The following WHRN variants were observed in gnomAD, a reference collection of about 807,000 sequenced individuals.
WHRN encodes the protein CASK-interacting protein CIP98.
WHRN carries 41 observed loss-of-function variants against 68.3 expected under a neutral mutation model. That is an observed-to-expected ratio of 0.60 (90% confidence interval 0.47 to 0.78). The LOEUF is 0.78. WHRN is among the 30% of genes least tolerant of loss of function. The pLI is 0.00. For missense variants in WHRN, 1,243 were observed against 1,244.7 expected (o/e 1.00, Z 0.02); for synonymous variants, 560 against 561.3 (o/e 1.00, Z 0.03).
At chr9:114,484,064 A>G (rs923628431) in intron 1 of WHRN, among the ~76,000 whole-genome samples, 2 of 152,174 alleles carry the variant, frequency 1.3e-5, no homozygotes, top group African/African-American at 2.4e-5. Flanking sequence ...CCAGATCCAG[A>G]GCCTGGGGGC....
intron 7 of WHRN, among the ~76,000 whole-genome samples, chr9:114,421,811 C>T (rs1048858193): frequency 2.6e-5 from 4 of 152,192 alleles, no homozygotes; most frequent in Non-Finnish European, 4.4e-5. Context: ...ATCTGCTTGT[C>T]CCAGAACATG....
intron 11 of WHRN, 79 bp downstream of exon 11, chr9:114,403,138 G>C: frequency 6.2e-7 from 1 of 1,602,220 alleles, no homozygotes; most frequent in South Asian, 1.1e-5. Context: ...ACCCATGGGA[G>C]TCGCAAAACC....
At chr9:114,438,647 T>A (rs377665006) in intron 3 of WHRN, among the ~76,000 whole-genome samples, 3 of 151,914 alleles carry the variant, frequency 2.0e-5, no homozygotes, top group East Asian at 3.9e-4. Flanking sequence ...AGAGATGGGG[T>A]TTCACCTGTT....
At chr9:114,477,071 G>A (rs1299472122) in intron 2 of WHRN, among the ~76,000 whole-genome samples, 4 of 152,106 alleles carry the variant, frequency 2.6e-5, no homozygotes, top group Non-Finnish European at 5.9e-5. Context: ...CCCAGCCCTG[G>A]CAACCTTGAC....
At position 114,466,330 on chromosome 9, in the gene WHRN, G is replaced by A. The variant is rs140268888; in HGVS notation, c.900C>T (p.Tyr300=). ...CGCCAGTGATGTAAATGCCAAGGCC[G>A]TACTCAGCTCCCCCACGGATCGTGA... The part of the protein sequence containing the change: ...LGLTIRGGAE[Y]GLGIYITGVD... Residue 300 remains tyrosine (Y), a synonymous_variant, in exon 3 of 12, where the codon TAC becomes TAT. Transcript: ENST00000362057. 2.1e-5 allele frequency: 34 copies of A among 1,613,982 alleles called. No individual in the cohort carries two copies. The African/African-American group carries it at 3.5e-4, about 16-fold the overall frequency.
chr9:114,436,444 TG>T (rs1468210290), intron 3 of WHRN, among the ~76,000 whole-genome samples: 2 of 151,984 alleles, frequency 1.3e-5, no homozygotes. Context: ...TAGGGGAAAA[TG>T]TGTTGGGGAC....
At chr9:114,435,236 A>G (rs1837752167) in intron 3 of WHRN, among the ~76,000 whole-genome samples, 1 of 152,244 alleles carries the variant, frequency 6.6e-6, no homozygotes, top group Non-Finnish European at 1.5e-5. Flanking sequence ...TGAATGGCAC[A>G]TGGGAAACAC....
intron 3 of WHRN, among the ~76,000 whole-genome samples, chr9:114,447,155 G>A (rs999336092): frequency 2.6e-5 from 4 of 152,136 alleles, no homozygotes; most frequent in Admixed American, 6.5e-5. Flanking sequence ...GCAAGAACCT[G>A]CTAACCAAGA....
At chr9:114,496,509 A>G (rs1271108100) in intron 1 of WHRN, among the ~76,000 whole-genome samples, 2 of 152,180 alleles carry the variant, frequency 1.3e-5, no homozygotes, top group Admixed American at 6.5e-5. Flanking sequence ...TTTTCTTCCA[A>G]TGCCACCTAA....
chr9:114,481,821 G>A (rs905499964), intron 1 of WHRN, among the ~76,000 whole-genome samples: 4 of 152,354 alleles, frequency 2.6e-5, no homozygotes, highest in South Asian at 2.1e-4. Context: ...GAGAAACAAG[G>A]AGGCATCACC....
chr9:114,424,204 G>C (rs190183238), intron 6 of WHRN, 130 bp downstream of exon 6: 79 of 1,105,840 alleles, frequency 7.1e-5, no homozygotes, highest in Non-Finnish European at 1.1e-4. Context: ...GGCTGCCTCA[G>C]TCCCAGGTCT....
At chr9:114,441,655 C>T (rs562922853) in intron 3 of WHRN, among the ~76,000 whole-genome samples, 2 of 152,276 alleles carry the variant, frequency 1.3e-5, no homozygotes, top group East Asian at 1.9e-4. Flanking sequence ...ATCTGGGACA[C>T]TCTGAGTATC....
chr9:114,403,527 C>T (rs1354272191), intron 10 of WHRN, among the ~76,000 whole-genome samples, 188 bp from the exon 11 acceptor site: 1 of 152,226 alleles, frequency 6.6e-6, no homozygotes, highest in Non-Finnish European at 1.5e-5. Context: ...TCACCAAAAT[C>T]CCCGAGGCTC....
At position 114,426,512 on chromosome 9, in the gene WHRN, G is replaced by A. The variant is rs1564140333; in HGVS notation, c.964-99C>T. The A allele has an allele frequency of 2.1e-5, 28 of 1,359,152 alleles. 1 individual carries two copies. In the South Asian group the frequency reaches 3.2e-4, roughly 16 times the overall value. 84.2% of individuals were successfully genotyped at this position (1,359,152 alleles called of 1,614,324 possible). A position where few individuals can be genotyped will look rare whatever the true frequency, so the allele number is the denominator to read the frequency against. ...TCCCAATTCTCCTCTGGGCCAGCCTGTCAAGGAGGTCATCCAGGATCAGAG... is the reference window on the plus strand; with the variant it reads ...TCCCAATTCTCCTCTGGGCCAGCCTATCAAGGAGGTCATCCAGGATCAGAG... On this transcript the variant is annotated intron_variant, in intron 3 of 11. Coordinates refer to ENST00000362057, the MANE Select transcript of WHRN (RefSeq NM_015404.4).
At chr9:114,429,186 C>A (rs1564143696) in intron 3 of WHRN, among the ~76,000 whole-genome samples, 2 of 152,234 alleles carry the variant, frequency 1.3e-5, no homozygotes, top group African/African-American at 4.8e-5. Context: ...GCGGCTTGGC[C>A]TCCCAAAGTG....
intron 3 of WHRN, among the ~76,000 whole-genome samples, chr9:114,429,843 G>C (rs1013993569): frequency 1.5e-4 from 23 of 152,212 alleles, no homozygotes; most frequent in African/African-American, 4.8e-4. Flanking sequence ...CTTACTGAGA[G>C]TGGAGGAGAA....
At chr9:114,430,161 TGCA>T (rs996734807) in intron 3 of WHRN, among the ~76,000 whole-genome samples, 2 of 152,180 alleles carry the variant, frequency 1.3e-5, no homozygotes, top group African/African-American at 4.8e-5. Context: ...TCCTTCTGTA[TGCA>T]AGCCTCTTTC....
chr9:114,460,219 G>A (rs1272964120), intron 3 of WHRN, among the ~76,000 whole-genome samples: 1 of 152,188 alleles, frequency 6.6e-6, no homozygotes, highest in Non-Finnish European at 1.5e-5. Context: ...GTGCTAGGAA[G>A]GTGGCAGAGC....
Position 114,402,579 on chromosome 9 carries a change from G to A in WHRN, c.*175C>T, listed in dbSNP as rs1834755674. On this transcript the variant is annotated 3_prime_UTR_variant, in exon 12 of 12. Transcript: ENST00000362057. The stretch of plus-strand genomic sequence containing the variant: ...CCTGACCTGACCTTCTGTCTGCCTT[G>A]TCCTGCTCTCTTCCTCTCCCAGTTC... 4 of 810,850 alleles carry A rather than the reference G, an allele frequency of 4.9e-6. No homozygotes were observed. The highest frequency in any genetic ancestry group is 8.2e-6 in the Non-Finnish European group (4 of 489,516). The allele number at this position is 810,850 out of a possible 1,614,324, so 50.2% of individuals were successfully genotyped here. A position where few individuals can be genotyped will look rare whatever the true frequency, so the allele number is the denominator to read the frequency against.
Sources: gnomAD v4.1 joint callset for allele counts (sites outside exome capture counted in the v4.1 genomes callset) on GRCh38, gnomAD v4.1.1 for gene constraint, MANE v1.5 for transcripts, NCBI Gene and HGNC (gene_info 2026-07-23, HGNC 2026-07-21) for gene names.